Variants in IGFBPL1 observed in about 807,000 individuals in gnomAD.
IGFBPL1 encodes the protein insulin like growth factor binding protein like 1, also known as insulin-like growth factor-binding protein-like 1.
IGFBPL1 carries 20 observed loss-of-function variants against 23.9 expected under a neutral mutation model. That is an observed-to-expected ratio of 0.84 (90% CI 0.59 to 1.22). The LOEUF is 1.22. Ranked by LOEUF, IGFBPL1 falls within the 50% of genes most tolerant of loss-of-function variation. The pLI is 0.00. For missense variants in IGFBPL1, 436 were observed against 379.3 expected (o/e 1.15, Z -1.24); for synonymous variants, 184 against 171.8 (o/e 1.07, Z -0.56).
rs1215738002 is a variant in IGFBPL1 at position 38,408,943 on chromosome 9, A to G, written c.*284T>C. On this transcript the variant is annotated 3_prime_UTR_variant, in exon 5 of 5. Transcript: ENST00000377694. The stretch of plus-strand genomic sequence containing the variant: ...TGACACGAGCCCTTTCGAAATTGCA[A>G]ACATGCCGTTCTGTGATCTCCCTGG... The G allele has an allele frequency of 6.6e-6, 1 of 152,260 alleles. No individual in the cohort carries two copies. Among genetic ancestry groups the G allele is most frequent in the African/African-American group, 2.4e-5 (1 of 41,460 alleles). 9.4% of individuals were successfully genotyped at this position (152,260 alleles called of 1,614,324 possible).
At chr9:38,420,072 G>T (rs1473291824) in intron 1 of IGFBPL1, among the ~76,000 whole-genome samples, 1 of 152,086 alleles carries the variant, frequency 6.6e-6, no homozygotes, top group African/African-American at 2.4e-5. Flanking sequence ...AGAATTTTTT[G>T]TAGAGATGGG....
intron 1 of IGFBPL1, among the ~76,000 whole-genome samples, chr9:38,419,342 C>T (rs754605657): frequency 1.3e-5 from 2 of 152,144 alleles, no homozygotes; most frequent in African/African-American, 2.4e-5. Flanking sequence ...AATCCTGCTC[C>T]CTGCAGCCTC....
chr9:38,416,163 C>G (rs750714598), intron 1 of IGFBPL1, among the ~76,000 whole-genome samples: 1 of 152,216 alleles, frequency 6.6e-6, no homozygotes, highest in South Asian at 2.1e-4. Flanking sequence ...CAAACCAGTG[C>G]TCCAGTGGCT....
intron 1 of IGFBPL1, among the ~76,000 whole-genome samples, chr9:38,417,812 G>A (rs192914937): frequency 1.3e-5 from 2 of 152,262 alleles, no homozygotes; most frequent in East Asian, 3.9e-4. Flanking sequence ...GGTTTTTACT[G>A]GGAGCTGGCC....
At position 38,414,170 on chromosome 9, in the gene IGFBPL1, T is replaced by C; in HGVS notation, c.494A>G (p.His165Arg). The part of the protein sequence containing the change: ...PVVVVPPRSV[H>R]NVTGAQVGLS... ...GCCCACCTGCGCCCCGGTGACGTTG[T>C]GAACACTTCGGGGAGGAACGACGAC... Residue 165 changes from histidine (H) to arginine (R), a missense_variant, in exon 2 of 5, where the codon CAC becomes CGC. Physicochemically the swap from His to Arg is conservative, Grantham distance 29 (BLOSUM62 0). Transcript: ENST00000377694. 3 of 1,610,854 alleles carry C rather than the reference T, an allele frequency of 1.9e-6. No individual in the cohort carries two copies. The highest frequency in any genetic ancestry group is 2.2e-5 in the South Asian group (2 of 90,404).
At chr9:38,419,863 CCCTCCTCCT>C (rs71363990) in intron 1 of IGFBPL1, among the ~76,000 whole-genome samples, 5 of 145,974 alleles carry the variant, frequency 3.4e-5, no homozygotes, top group East Asian at 2.1e-4. Context: ...CTCCTCCTCC[CCCTCCTCCT>C]CCTCCTCCTC....
In IGFBPL1 at chr9:38,407,983, T is replaced by A; in HGVS notation, c.*1244A>T. 6.6e-6 allele frequency among the ~76,000 whole-genome samples: 1 copy of A among 152,074 alleles called. No individual in the cohort carries two copies. Among genetic ancestry groups the A allele is most frequent in the Non-Finnish European group, 1.5e-5 (1 of 68,026 alleles). On this transcript the variant is annotated 3_prime_UTR_variant, in exon 5 of 5. Coordinates refer to ENST00000377694, the MANE Select transcript of IGFBPL1 (RefSeq NM_001007563.3). ...AAAAAAAGAGAGCCTTACTCTTGGGTGAGGTCAAAATGTTTGTAGGTAAAA... is the reference window on the plus strand; with the variant it reads ...AAAAAAAGAGAGCCTTACTCTTGGGAGAGGTCAAAATGTTTGTAGGTAAAA...
At chr9:38,422,193 G>C (rs891922163) in intron 1 of IGFBPL1, among the ~76,000 whole-genome samples, 3 of 152,200 alleles carry the variant, frequency 2.0e-5, no homozygotes, top group Non-Finnish European at 4.4e-5. Context: ...GGACCAGGGA[G>C]CTGGTCATCC....
chr9:38,412,989 C>T (rs897738777), intron 3 of IGFBPL1, among the ~76,000 whole-genome samples: 22 of 152,204 alleles, frequency 1.4e-4, no homozygotes, highest in Non-Finnish European at 2.8e-4. Flanking sequence ...ACCACCTTGC[C>T]ATGTAACATC....
At position 38,406,671 on chromosome 9, in the gene IGFBPL1, A is replaced by G. The variant is rs564824426; in HGVS notation, c.*2556T>C. Among the ~76,000 whole-genome samples, 13 of 152,292 alleles carry G rather than the reference A, an allele frequency of 8.5e-5. No homozygotes were observed. The East Asian group carries it at 2.5e-3, about 29-fold the overall frequency. ...CAAATGCTAACAGCTGTGGCAGCGCATGCTCTCTTAGCCTCTGAAGAGGTC... is the reference window on the plus strand; with the variant it reads ...CAAATGCTAACAGCTGTGGCAGCGCGTGCTCTCTTAGCCTCTGAAGAGGTC... On this transcript the variant is annotated 3_prime_UTR_variant, in exon 5 of 5. Transcript: ENST00000377694.
intron 1 of IGFBPL1, among the ~76,000 whole-genome samples, chr9:38,421,505 C>T (rs1821678242): frequency 6.6e-6 from 1 of 151,926 alleles, no homozygotes; most frequent in South Asian, 2.1e-4. Context: ...ACACTGTGAA[C>T]AACATAATAA....
intron 3 of IGFBPL1, among the ~76,000 whole-genome samples, chr9:38,412,207 C>T (rs149731608): frequency 3.3e-5 from 5 of 152,304 alleles, no homozygotes; most frequent in South Asian, 4.1e-4. Flanking sequence ...ATCATCCTAC[C>T]GACCACGCGC....
chr9:38,420,701 G>T (rs1821667168), intron 1 of IGFBPL1, among the ~76,000 whole-genome samples: 3 of 152,178 alleles, frequency 2.0e-5, no homozygotes, highest in Admixed American at 2.0e-4. Flanking sequence ...GCCAGGCGTG[G>T]TGGTGGGCGC....
At chr9:38,418,768 C>T (rs1473059804) in intron 1 of IGFBPL1, among the ~76,000 whole-genome samples, 3 of 152,024 alleles carry the variant, frequency 2.0e-5, no homozygotes, top group African/African-American at 4.8e-5. Flanking sequence ...AGCAATAGCC[C>T]TAGAATTGCA....
intron 4 of IGFBPL1, 109 bp downstream of exon 4, chr9:38,411,282 G>C: frequency 1.1e-6 from 1 of 911,834 alleles, no homozygotes; most frequent in Non-Finnish European, 1.6e-6. Flanking sequence ...CTCTTTCCCT[G>C]GTTTCCTCCA....
At chr9:38,411,261 C>G in intron 4 of IGFBPL1, 130 bp downstream of exon 4, 1 of 720,856 alleles carries the variant, frequency 1.4e-6, no homozygotes, top group South Asian at 1.9e-5. Flanking sequence ...TATGTCCCTA[C>G]TCTTCTTTTG....
At chr9:38,411,333 C>A in intron 4 of IGFBPL1, 58 bp downstream of exon 4, 1 of 1,434,554 alleles carries the variant, frequency 7.0e-7, no homozygotes, top group Non-Finnish European at 9.5e-7. Flanking sequence ...TCTTATAAGC[C>A]ACCTCAAATA....
intron 3 of IGFBPL1, among the ~76,000 whole-genome samples, chr9:38,412,699 T>C (rs1821531207): frequency 6.6e-6 from 1 of 152,162 alleles, no homozygotes; most frequent in African/African-American, 2.4e-5. Flanking sequence ...AGGGCTGCAT[T>C]CTTTCTGAAG....
rs1280441336 is a variant in IGFBPL1, at chr9:38,408,311, C to T, written c.*916G>A. Among the ~76,000 whole-genome samples, 1 of 150,006 alleles carries T rather than the reference C, an allele frequency of 6.7e-6. No individual in the cohort carries two copies. The highest frequency in any genetic ancestry group is 1.5e-5 in the Non-Finnish European group (1 of 67,560). On this transcript the variant is annotated 3_prime_UTR_variant, in exon 5 of 5. Coordinates refer to ENST00000377694, the MANE Select transcript of IGFBPL1 (RefSeq NM_001007563.3). ...GGTGTGGTGGGGCATGCCTGTGGTC[C>T]CAGCTACTCAGGAGGCTGAGGTGGA...
Sources: allele counts gnomAD v4.1 joint callset (sites outside exome capture counted in the v4.1 genomes callset), GRCh38; gene constraint gnomAD v4.1.1; transcripts MANE v1.5; gene names NCBI Gene and HGNC (gene_info 2026-07-23, HGNC 2026-07-21).